METAP1: variants seen among roughly 807,000 people sequenced by gnomAD.
The protein encoded by METAP1 is methionine aminopeptidase 1.
A neutral mutation model predicts 53.8 loss-of-function variants in METAP1; 28 were observed. The observed-to-expected ratio is 0.52, with a 90% CI of 0.39 to 0.71. The LOEUF is 0.71. Ranked by LOEUF, METAP1 falls within the 30% of genes least tolerant of loss-of-function variation. METAP1 has a pLI of 0.00. For synonymous variants in METAP1, 181 were observed against 165.7 expected (o/e 1.09, Z -0.71); for missense variants, 389 against 479.8 (o/e 0.81, Z 1.77).
chr4:99,032,606 C>T (rs1437652128), intron 2 of METAP1, among the ~76,000 whole-genome samples: 6 of 152,064 alleles, frequency 3.9e-5, no homozygotes, highest in African/African-American at 1.2e-4. Context: ...ATTTTTACAC[C>T]CTCACCTTCT....
intron 1 of METAP1, among the ~76,000 whole-genome samples, chr4:99,000,552 G>A (rs1042584193): frequency 6.6e-6 from 1 of 152,002 alleles, no homozygotes; most frequent in Non-Finnish European, 1.5e-5. Flanking sequence ...AAAAATCTTT[G>A]AGGGGAAATG....
At chr4:99,002,137 T>C (rs1400120767) in intron 1 of METAP1, among the ~76,000 whole-genome samples, 1 of 152,208 alleles carries the variant, frequency 6.6e-6, no homozygotes, top group African/African-American at 2.4e-5. Context: ...TGCAAAATTT[T>C]AGTTAAGTTT....
intron 1 of METAP1, among the ~76,000 whole-genome samples, chr4:99,002,717 G>T (rs1722979821): frequency 6.6e-6 from 1 of 152,116 alleles, no homozygotes; most frequent in African/African-American, 2.4e-5. Context: ...TTATTGCAAG[G>T]CTCAGTAAAG....
intron 5 of METAP1, among the ~76,000 whole-genome samples, chr4:99,039,974 G>T (rs559062089): frequency 6.6e-6 from 1 of 151,834 alleles, no homozygotes; most frequent in Admixed American, 6.6e-5. Flanking sequence ...TGATCTGCCC[G>T]CCTCGGCCTC....
At chr4:99,024,320 C>CAGG (rs1724393042) in intron 1 of METAP1, among the ~76,000 whole-genome samples, 1 of 152,194 alleles carries the variant, frequency 6.6e-6, no homozygotes, top group Non-Finnish European at 1.5e-5. Context: ...GCTCTTGAGA[C>CAGG]AGGAGTCTTG....
At chr4:98,995,983 G>A (rs1220174388) in intron 1 of METAP1, 116 bp downstream of exon 1, 8 of 827,732 alleles carry the variant, frequency 9.7e-6, no homozygotes, top group South Asian at 8.9e-5. Context: ...TCTTCCCCCC[G>A]GCCGCGTTTC....
intron 10 of METAP1, among the ~76,000 whole-genome samples, chr4:99,058,705 T>A (rs887734084): frequency 4.6e-5 from 7 of 152,218 alleles, no homozygotes; most frequent in African/African-American, 1.7e-4. Context: ...TTGTCTTTCT[T>A]AGAAGTGATT....
intron 1 of METAP1, among the ~76,000 whole-genome samples, chr4:99,002,846 G>A (rs535291267): frequency 6.6e-6 from 1 of 152,154 alleles, no homozygotes; most frequent in South Asian, 2.1e-4. Flanking sequence ...AGGCTGAGGC[G>A]GGCAGATATC....
intron 1 of METAP1, among the ~76,000 whole-genome samples, chr4:98,996,141 G>A (rs1226671815): frequency 1.3e-5 from 2 of 152,078 alleles, no homozygotes; most frequent in African/African-American, 4.8e-5. Context: ...GCGGGGTCGC[G>A]TGGCCGCGCT....
chr4:99,019,319 A>G (rs913657030), intron 1 of METAP1, among the ~76,000 whole-genome samples: 8 of 152,172 alleles, frequency 5.3e-5, no homozygotes, highest in Admixed American at 5.2e-4. Flanking sequence ...ATGGGACTCA[A>G]GGTGGAAAAG....
intron 6 of METAP1, 110 bp downstream of exon 6, chr4:99,041,236 C>A: frequency 1.6e-6 from 1 of 643,938 alleles, no homozygotes; most frequent in Non-Finnish European, 2.4e-6. Context: ...CTTGGGTAAA[C>A]TCATTTGAAA....
At chr4:99,035,777 T>C (rs2110349804) in intron 4 of METAP1, among the ~76,000 whole-genome samples, 2 of 152,170 alleles carry the variant, frequency 1.3e-5, no homozygotes, top group Middle Eastern at 6.8e-3. Flanking sequence ...TTAAACAATA[T>C]CTATTTAGGT....
At position 99,035,492 on chromosome 4, in the gene METAP1, C is replaced by T. The variant is rs1390778087; in HGVS notation, c.340+32C>T. 4 of 1,486,678 alleles carry T rather than the reference C, an allele frequency of 2.7e-6. No homozygotes were observed. The South Asian group carries it at 3.7e-5, about 14-fold the overall frequency. 92.1% of individuals were successfully genotyped at this position (1,486,678 alleles called of 1,614,324 possible). A position where few individuals can be genotyped will look rare whatever the true frequency, so the allele number is the denominator to read the frequency against. On this transcript the variant is annotated intron_variant, in intron 4 of 10. Transcript: ENST00000296411. ...TCTGCTATGTTGATTCTTCATTTTT[C>T]AATTTGTGGGCTTGATGACTACTGC...
At chr4:99,013,800 A>T (rs1723604558) in intron 1 of METAP1, among the ~76,000 whole-genome samples, 1 of 152,238 alleles carries the variant, frequency 6.6e-6, no homozygotes, top group Admixed American at 6.5e-5. Context: ...ATTTAGCCTT[A>T]TCTCAACCTA....
intron 6 of METAP1, 65 bp downstream of exon 6, chr4:99,041,191 A>ACTTAATGT: frequency 9.0e-7 from 1 of 1,116,116 alleles, no homozygotes; most frequent in Non-Finnish European, 1.3e-6. Context: ...GAACTTAAAC[A>ACTTAATGT]TTAAGTAGAT....
Position 99,035,736 on chromosome 4 carries a change from TTTTTAA to T in METAP1, c.340+284_340+289del, listed in dbSNP as rs144981305. Among the ~76,000 whole-genome samples, 409 of 152,226 alleles carry T rather than the reference TTTTTAA, an allele frequency of 2.7e-3. 3 individuals carry two copies. The highest frequency in any genetic ancestry group is 9.3e-3 in the African/African-American group (388 of 41,538). On this transcript the variant is annotated intron_variant, in intron 4 of 10. Transcript: ENST00000296411. Reference sequence around the variant, plus strand: ...AACTTCTAGACTTACTAAAAAACAGTTTTTAATTTTAATATTCCCTCCTATCTAAAT... The same window carrying T: ...AACTTCTAGACTTACTAAAAAACAGTTTTTAATATTCCCTCCTATCTAAAT...
In METAP1 at chr4:99,024,500, A is replaced by C. The variant is rs1724411600; in HGVS notation, c.115-4367A>C. Among the ~76,000 whole-genome samples the C allele has an allele frequency of 2.0e-5, 3 of 152,160 alleles. No homozygotes were observed. The South Asian group carries it at 6.2e-4, about 32-fold the overall frequency. ...GGTTGGGTCGGAGATGAAATCATAG[A>C]GAGTCAAAGCTGTCCTCTTGTGCCG... On this transcript the variant is annotated intron_variant, in intron 1 of 10. Transcript: ENST00000296411.
chr4:99,043,845 C>A (rs1189233921), intron 7 of METAP1, among the ~76,000 whole-genome samples: 1 of 152,114 alleles, frequency 6.6e-6, no homozygotes, highest in African/African-American at 2.4e-5. Context: ...TGTTAAGCTA[C>A]CTTGGGAAGT....
At chr4:99,042,017 A>T (rs896523000) in intron 6 of METAP1, among the ~76,000 whole-genome samples, 4 of 151,962 alleles carry the variant, frequency 2.6e-5, no homozygotes, top group Non-Finnish European at 5.9e-5. Context: ...ACATTAACTC[A>T]TTAATCTTAC....
Sources: allele counts gnomAD v4.1 joint callset (sites outside exome capture counted in the v4.1 genomes callset), GRCh38; gene constraint gnomAD v4.1.1; transcripts MANE v1.5; gene names NCBI Gene and HGNC (gene_info 2026-07-23, HGNC 2026-07-21).